The following OSBPL10 variants were observed in gnomAD, a reference collection of about 807,000 sequenced individuals.
OSBPL10 encodes oxysterol-binding protein-related protein 10.
Under a neutral mutation model 81.7 loss-of-function variants are expected in OSBPL10, and 49 were observed. The observed-to-expected ratio is 0.60, with a 90% CI of 0.48 to 0.76. The LOEUF (loss-of-function observed/expected upper bound fraction) is 0.76, where lower values mean the gene tolerates loss of function less well. Ranked by LOEUF, OSBPL10 falls within the 30% of genes least tolerant of loss-of-function variation. OSBPL10 has a pLI of 0.00. For synonymous variants in OSBPL10, 419 were observed against 383.6 expected (o/e 1.09, Z -1.08); for missense variants, 923 against 987.8 (o/e 0.93, Z 0.88).
chr3:31,713,431 C>G (rs1259986517), intron 6 of OSBPL10, among the ~76,000 whole-genome samples: 3 of 152,130 alleles, frequency 2.0e-5, no homozygotes, highest in Admixed American at 1.3e-4. Context: ...GAGTCTCACT[C>G]TGTTGCCCAG....
chr3:31,733,941 C>T (rs902661309), intron 5 of OSBPL10, among the ~76,000 whole-genome samples: 37 of 151,446 alleles, frequency 2.4e-4, no homozygotes, highest in African/African-American at 8.3e-4. Flanking sequence ...ACCTGGGAGG[C>T]GGAGCTTGCA....
chr3:31,690,249 T>C (rs145704251), intron 7 of OSBPL10, among the ~76,000 whole-genome samples: 2 of 152,160 alleles, frequency 1.3e-5, no homozygotes, highest in Non-Finnish European at 2.9e-5. Context: ...TTTAAAAGTA[T>C]ATAACACCTC....
intron 2 of OSBPL10, among the ~76,000 whole-genome samples, chr3:32,023,396 G>T (rs550315940): frequency 2.6e-5 from 4 of 152,254 alleles, no homozygotes; most frequent in Non-Finnish European, 5.9e-5. Context: ...CGCCACAATT[G>T]TGAGGCCTCC....
In OSBPL10 at chr3:32,041,477, C is replaced by T. The variant is rs1699574595; in HGVS notation, n.298+5014G>A. Among the ~76,000 whole-genome samples the T allele has an allele frequency of 2.6e-5, 4 of 152,112 alleles. No individual in the cohort carries two copies. The South Asian group carries it at 8.3e-4, about 32-fold the overall frequency. On this transcript the variant is annotated intron_variant and non_coding_transcript_variant, in intron 2 of 3. Transcript: ENST00000479173. ...AAACACCCCGTGAGGTCTCTGCTTT[C>T]CTTCTGCTGCAGCACACTTAGGACA...
intron 1 of OSBPL10, among the ~76,000 whole-genome samples, chr3:32,074,675 A>T (rs1292362491): frequency 6.6e-6 from 1 of 152,126 alleles, no homozygotes; most frequent in Non-Finnish European, 1.5e-5. Context: ...GGTTACTTGT[A>T]GACACTATGC....
intron 1 of OSBPL10, among the ~76,000 whole-genome samples, chr3:31,947,788 G>A (rs1697744503): frequency 6.6e-6 from 1 of 151,970 alleles, no homozygotes; most frequent in Non-Finnish European, 1.5e-5. Context: ...GGCAGAGCCT[G>A]ATGTGGCGAC....
At chr3:31,663,545 T>G in intron 11 of OSBPL10, 1 of 1,002,574 alleles carries the variant, frequency 1.0e-6, no homozygotes, top group Non-Finnish European at 1.2e-6. Context: ...TAGTGTCACA[T>G]TTGCAGGTGA....
intron 4 of OSBPL10, among the ~76,000 whole-genome samples, chr3:31,828,277 C>A (rs770976196): frequency 6.0e-4 from 92 of 152,074 alleles, no homozygotes; most frequent in South Asian, 2.1e-3. Context: ...CTTAACTATT[C>A]TTTAAAATAC....
At chr3:31,876,623 GC>G (rs1161768311) in intron 2 of OSBPL10, 111 bp from the exon 3 acceptor site, 2 of 825,458 alleles carry the variant, frequency 2.4e-6, no homozygotes, top group East Asian at 5.3e-5. Context: ...GTGAGAGGTA[GC>G]AAGAAGGTGG....
chr3:31,948,646 C>T (rs911742220), intron 1 of OSBPL10, among the ~76,000 whole-genome samples: 2 of 152,182 alleles, frequency 1.3e-5, no homozygotes, highest in Admixed American at 6.5e-5. Context: ...CAGATTTCAT[C>T]GTGTGCATTC....
intron 1 of OSBPL10, among the ~76,000 whole-genome samples, chr3:31,917,381 C>T (rs1187764214): frequency 6.6e-6 from 1 of 152,000 alleles, no homozygotes; most frequent in Non-Finnish European, 1.5e-5. Context: ...ATCCTTACTG[C>T]TTGACTAGAG....
chr3:31,855,508 C>A (rs1173183039), intron 3 of OSBPL10, among the ~76,000 whole-genome samples: 1 of 152,208 alleles, frequency 6.6e-6, no homozygotes. Flanking sequence ...CCTGTCACCA[C>A]CTGGCACAGT....
Position 31,844,022 on chromosome 3 carries a change from A to G in OSBPL10, c.538-13791T>C, listed in dbSNP as rs554317399. Among the ~76,000 whole-genome samples, 5 of 152,342 alleles carry G rather than the reference A, an allele frequency of 3.3e-5. No homozygotes were observed. The South Asian group carries it at 1.0e-3, about 32-fold the overall frequency. ...ACTAAGATCTGCTGATGAGCAGAGT[A>G]GTACAAAGATTGTTTTTCCCCATGA... On this transcript the variant is annotated intron_variant, in intron 3 of 11. Transcript: ENST00000396556.
At chr3:32,031,589 G>C (rs571893505) in intron 2 of OSBPL10, among the ~76,000 whole-genome samples, 1 of 151,966 alleles carries the variant, frequency 6.6e-6, no homozygotes, top group Non-Finnish European at 1.5e-5. Context: ...AGCCTCCCAA[G>C]TAGCTGGGAC....
In OSBPL10 at chr3:31,664,072, G is replaced by A. The variant is rs1342408069; in HGVS notation, c.2250+7C>T. ...GGCAAGGGACCAATGACAGGCGGCA[G>A]AGTTACCTCCTGGATAAAATATTTG... is the stretch of plus-strand genomic sequence containing the variant. On this transcript the variant is annotated splice_region_variant and intron_variant, in intron 11 of 11. Transcript: ENST00000396556. The A allele has an allele frequency of 9.3e-6, 15 of 1,614,040 alleles. No homozygotes were observed. The highest frequency in any genetic ancestry group is 1.6e-4 in the Middle Eastern group (1 of 6,074).
intron 4 of OSBPL10, among the ~76,000 whole-genome samples, chr3:31,778,011 T>A (rs950282300): frequency 7.9e-5 from 12 of 152,130 alleles, no homozygotes; most frequent in African/African-American, 2.9e-4. Flanking sequence ...TAAACTCTCT[T>A]GAGCAGAATC....
At chr3:31,915,125 A>T (rs1451600921) in intron 1 of OSBPL10, among the ~76,000 whole-genome samples, 3 of 151,840 alleles carry the variant, frequency 2.0e-5, no homozygotes, top group Non-Finnish European at 4.4e-5. Flanking sequence ...CTTCTATCGT[A>T]TCCTCATCTG....
Position 31,965,677 on chromosome 3 carries a change from T to TATATATTATATAAAATATATA in OSBPL10, c.281+15201_281+15221dup, listed in dbSNP as rs1273664285. ...ATTATATATTATATATTTTATATAATATATATTATATAAAATATATAATAT... is the reference window on the plus strand; with the variant it reads ...ATTATATATTATATATTTTATATAATATATATTATATAAAATATATAATATATTATATAAAATATATAATAT... On this transcript the variant is annotated intron_variant, in intron 1 of 11. Transcript: ENST00000396556. Among the ~76,000 whole-genome samples the TATATATTATATAAAATATATA allele has an allele frequency of 1.2e-4, 6 of 50,222 alleles. 1 individual carries two copies. Among genetic ancestry groups the TATATATTATATAAAATATATA allele is most frequent in the Non-Finnish European group, 1.8e-4 (6 of 33,620 alleles). The allele number at this position is 50,222 out of a possible 152,430, so 32.9% of individuals were successfully genotyped here.
rs550502490 is a variant in OSBPL10, at chr3:31,759,849, T to C, written c.730-11729A>G. On this transcript the variant is annotated intron_variant, in intron 4 of 11. Transcript: ENST00000396556. Reference sequence around the variant, plus strand: ...ATCTCGGCTTACTGCAACCTCTGCCTCCTGGGTTCAAGTAATTCTCGTGCC... The same window carrying C: ...ATCTCGGCTTACTGCAACCTCTGCCCCCTGGGTTCAAGTAATTCTCGTGCC... Among the ~76,000 whole-genome samples the C allele has an allele frequency of 2.6e-5, 4 of 152,250 alleles. No individual in the cohort carries two copies. The South Asian group carries it at 8.3e-4, about 32-fold the overall frequency.
Sources: allele counts gnomAD v4.1 joint callset (sites outside exome capture counted in the v4.1 genomes callset), GRCh38; gene constraint gnomAD v4.1.1; transcripts MANE v1.5; gene names NCBI Gene and HGNC (gene_info 2026-07-23, HGNC 2026-07-21).